TAX1BP1: variants seen among roughly 807,000 people sequenced by gnomAD.
TAX1BP1 encodes the protein Tax1 binding protein 1.
In TAX1BP1, 62 loss-of-function variants were observed where a neutral mutation model predicts 97.7. That is an observed-to-expected ratio of 0.63 (90% confidence interval 0.52 to 0.78). The LOEUF (loss-of-function observed/expected upper bound fraction) is 0.78. Among genes scored for constraint, TAX1BP1 ranks in the 30% least tolerant of loss-of-function variants. TAX1BP1 has a pLI of 0.00. For synonymous variants in TAX1BP1, 340 were observed against 304.2 expected (o/e 1.12, Z -1.23); for missense variants, 867 against 916.1 (o/e 0.95, Z 0.69).
chr7:27,812,758 C>T (rs1032793635), intron 13 of TAX1BP1, among the ~76,000 whole-genome samples: 3 of 152,134 alleles, frequency 2.0e-5, no homozygotes, highest in African/African-American at 7.2e-5. Flanking sequence ...TCCTCTACAT[C>T]TTGAGGTATT....
chr7:27,794,909 G>T (rs1156573136), intron 11 of TAX1BP1, among the ~76,000 whole-genome samples: 2 of 151,966 alleles, frequency 1.3e-5, no homozygotes, highest in Non-Finnish European at 2.9e-5. Context: ...GATCAATGGG[G>T]GTACTTCTTC....
chr7:27,809,146 G>A (rs936495720), intron 13 of TAX1BP1, among the ~76,000 whole-genome samples: 36 of 128,366 alleles, frequency 2.8e-4, no homozygotes, highest in African/African-American at 8.8e-4. Flanking sequence ...TAATTTTGAA[G>A]TGGTGATCAA....
At chr7:27,796,015 A>G in intron 11 of TAX1BP1, 101 bp from the exon 12 acceptor site, 4 of 779,392 alleles carry the variant, frequency 5.1e-6, no homozygotes, top group Non-Finnish European at 6.3e-6. Flanking sequence ...CATTCCATTT[A>G]CTATATTTTA....
intron 3 of TAX1BP1, among the ~76,000 whole-genome samples, chr7:27,760,046 GT>G (rs1788364451): frequency 6.6e-6 from 1 of 151,916 alleles, no homozygotes; most frequent in African/African-American, 2.4e-5. Flanking sequence ...TGGAGACGGG[GT>G]TTTGCCATGT....
chr7:27,766,773 G>A (rs1788662704), intron 4 of TAX1BP1, among the ~76,000 whole-genome samples: 1 of 152,126 alleles, frequency 6.6e-6, no homozygotes, highest in Non-Finnish European at 1.5e-5. Flanking sequence ...ACTGTAATTG[G>A]ATGTGAACTT....
At chr7:27,744,616 C>T (rs1014876402) in intron 1 of TAX1BP1, among the ~76,000 whole-genome samples, 8 of 152,114 alleles carry the variant, frequency 5.3e-5, no homozygotes, top group African/African-American at 1.9e-4. Context: ...TTACTATGGT[C>T]TATTTTTCAG....
intron 2 of TAX1BP1, among the ~76,000 whole-genome samples, chr7:27,753,445 A>G (rs76972232): frequency 0.013 from 2,001 of 152,342 alleles, 32 homozygotes; most frequent in Non-Finnish European, 0.021. Context: ...TAGTTGTATA[A>G]GTACATAAGC....
chr7:27,811,287 A>G (rs1790548932), intron 13 of TAX1BP1, among the ~76,000 whole-genome samples: 2 of 152,316 alleles, frequency 1.3e-5, no homozygotes, highest in Admixed American at 1.3e-4. Flanking sequence ...GGCATAGTTG[A>G]TATGTGGACG....
chr7:27,766,369 A>G (rs953401701), intron 4 of TAX1BP1, among the ~76,000 whole-genome samples: 35 of 137,900 alleles, frequency 2.5e-4, no homozygotes, highest in Non-Finnish European at 4.3e-4. Context: ...GCAGTGAGCC[A>G]AGATCGTGCC....
At chr7:27,761,013 T>C (rs999664163) in intron 3 of TAX1BP1, among the ~76,000 whole-genome samples, 7 of 152,212 alleles carry the variant, frequency 4.6e-5, no homozygotes, top group African/African-American at 1.7e-4. Flanking sequence ...TTTCAGCAAA[T>C]AATTGTTAAC....
Position 27,816,886 on chromosome 7 carries a change from AC to A in TAX1BP1, c.1937-3del. ...ACTCTACCTTTCCAAAAATTTTATT[AC>A]AGATGGAGCAGATGGTGCTTTTTAC... On this transcript the variant is annotated splice_polypyrimidine_tract_variant and splice_region_variant and intron_variant, in intron 14 of 16. Coordinates refer to ENST00000396319, the MANE Select transcript of TAX1BP1 (RefSeq NM_006024.7). 6.2e-7 allele frequency: 1 copy of A among 1,613,580 alleles called. No individual in the cohort carries two copies. Among genetic ancestry groups the A allele is most frequent in the Non-Finnish European group, 8.5e-7 (1 of 1,179,874 alleles).
chr7:27,782,818 CCT>C (rs1789313465), intron 5 of TAX1BP1, among the ~76,000 whole-genome samples: 1 of 152,076 alleles, frequency 6.6e-6, no homozygotes, highest in African/African-American at 2.4e-5. Flanking sequence ...GAATACCATA[CCT>C]TTTTTCTAGA....
At chr7:27,771,069 C>CCCT (rs1186993056) in intron 5 of TAX1BP1, among the ~76,000 whole-genome samples, 1 of 141,212 alleles carries the variant, frequency 7.1e-6, no homozygotes, top group Admixed American at 7.2e-5. Context: ...ATAATATGTG[C>CCCT]CCTCGATGAC....
Position 27,821,887 on chromosome 7 carries a change from G to A in TAX1BP1, c.2085+4849G>A, listed in dbSNP as rs73297541. On this transcript the variant is annotated intron_variant, in intron 15 of 16. Transcript: ENST00000396319. ...CTCAGTCCACTTTGTTTATAGATTC[G>A]TCTGTTCTGCATAGTAATATAAGTC... Among the ~76,000 whole-genome samples the A allele has an allele frequency of 6.5e-3, 985 of 152,138 alleles. 13 individuals carry two copies. The highest frequency in any genetic ancestry group is 0.023 in the African/African-American group (943 of 41,484).
At chr7:27,784,387 C>G (rs1789385859) in intron 5 of TAX1BP1, among the ~76,000 whole-genome samples, 1 of 152,100 alleles carries the variant, frequency 6.6e-6, no homozygotes, top group African/African-American at 2.4e-5. Context: ...AAATTCAATT[C>G]AACATTCAAT....
rs1457343972 is a variant in TAX1BP1, at chr7:27,767,414, TAGAC to T, written c.453+1396_453+1399del. Among the ~76,000 whole-genome samples, 9 of 152,202 alleles carry T rather than the reference TAGAC, an allele frequency of 5.9e-5. No homozygotes were observed. In the East Asian group the frequency reaches 1.5e-3, roughly 26 times the overall value. On this transcript the variant is annotated intron_variant, in intron 4 of 16. Transcript: ENST00000396319. ...GAGGTTACAGATAGAATACTTTTAT[TAGAC>T]AGTCAAACTAGGTTAGGAGGAACTA...
intron 3 of TAX1BP1, among the ~76,000 whole-genome samples, chr7:27,761,077 G>C (rs1034889026): frequency 2.6e-5 from 4 of 152,118 alleles, no homozygotes; most frequent in African/African-American, 7.2e-5. Flanking sequence ...TTTTTTATCA[G>C]GCAATATCTG....
At chr7:27,798,013 C>T (rs567957645) in intron 12 of TAX1BP1, among the ~76,000 whole-genome samples, 3 of 152,002 alleles carry the variant, frequency 2.0e-5, no homozygotes, top group South Asian at 4.1e-4. Context: ...ACATCCCTTT[C>T]GTTATCCTTA....
At chr7:27,801,511 A>C (rs1359305843) in intron 13 of TAX1BP1, among the ~76,000 whole-genome samples, 1 of 152,174 alleles carries the variant, frequency 6.6e-6, no homozygotes, top group Non-Finnish European at 1.5e-5. Context: ...TTGACTAGGA[A>C]AATGGTTTAG....
Sources: gnomAD v4.1 joint callset for allele counts (sites outside exome capture counted in the v4.1 genomes callset) on GRCh38, gnomAD v4.1.1 for gene constraint, MANE v1.5 for transcripts, NCBI Gene and HGNC (gene_info 2026-07-23, HGNC 2026-07-21) for gene names.